MMP24: variants seen among roughly 807,000 people sequenced by gnomAD.
MMP24 encodes the protein matrix metallopeptidase 24.
Under a neutral mutation model 62.8 loss-of-function variants are expected in MMP24, and 25 were observed. The ratio of observed to expected loss-of-function variants is 0.40; its 90% CI spans 0.29 to 0.56. MMP24 has a LOEUF of 0.56. Among genes scored for constraint, MMP24 ranks in the 20% least tolerant of loss-of-function variants. The probability of loss-of-function intolerance (pLI) is 0.50; values close to 1 mark genes in which losing one functional copy is unlikely to be tolerated. For missense variants in MMP24, 634 were observed against 853.6 expected (o/e 0.74, Z 3.21); for synonymous variants, 319 against 350.5 (o/e 0.91, Z 1.00).
At chr20:35,228,115 T>C (rs1365418208) in intron 1 of MMP24, among the ~76,000 whole-genome samples, 1 of 152,152 alleles carries the variant, frequency 6.6e-6, no homozygotes, top group Non-Finnish European at 1.5e-5. Flanking sequence ...AGGCAGTCTG[T>C]TTGTTTAGAA....
At chr20:35,242,612 C>A (rs781514307) in intron 1 of MMP24, among the ~76,000 whole-genome samples, 3 of 152,084 alleles carry the variant, frequency 2.0e-5, no homozygotes, top group Non-Finnish European at 4.4e-5. Flanking sequence ...CAAGCTAAAG[C>A]CTAATAGAAA....
intron 2 of MMP24, among the ~76,000 whole-genome samples, chr20:35,247,527 C>T (rs1008725910): frequency 1.2e-4 from 18 of 152,132 alleles, no homozygotes; most frequent in Admixed American, 1.2e-3. Flanking sequence ...TTTGGGGAGA[C>T]ACTTAGGAGG....
Position 35,274,827 on chromosome 20 carries a change from C to G in MMP24, c.*218C>G. 3.4e-6 allele frequency: 2 copies of G among 584,958 alleles called. No homozygotes were observed. The highest frequency in any genetic ancestry group is 6.1e-6 in the Non-Finnish European group (2 of 329,992). 36.2% of individuals were successfully genotyped at this position (584,958 alleles called of 1,614,324 possible). On this transcript the variant is annotated 3_prime_UTR_variant, in exon 9 of 9. Transcript: ENST00000246186. This position sits in a 1 kb window ranked among gnomAD's most constrained non-coding sequence, Gnocchi z 5.1. ...GGGTGTCTGGCACCCAGCTGCCAGC[C>G]TTCTGTCCTGGGCAAACTACTCCCT...
At chr20:35,252,199 C>T (rs950370995) in intron 3 of MMP24, among the ~76,000 whole-genome samples, 178 bp downstream of exon 3, 1 of 152,168 alleles carries the variant, frequency 6.6e-6, no homozygotes, top group Non-Finnish European at 1.5e-5. Flanking sequence ...ACCTTGTCCT[C>T]CTTGTGGCTT....
At position 35,254,928 on chromosome 20, in the gene MMP24, C is replaced by T. The variant is rs547066199; in HGVS notation, c.817+174C>T. On this transcript the variant is annotated intron_variant, in intron 4 of 8. Coordinates refer to ENST00000246186, the MANE Select transcript of MMP24 (RefSeq NM_006690.4). Reference sequence around the variant, plus strand: ...ATATTCAACGTTCAATCCACCAGGGCCAGGGCCATGGAGATGAGTCAGATC... The same window carrying T: ...ATATTCAACGTTCAATCCACCAGGGTCAGGGCCATGGAGATGAGTCAGATC... 1.6e-4 allele frequency among the ~76,000 whole-genome samples: 24 copies of T among 152,238 alleles called. No homozygotes were observed. The South Asian group carries it at 4.8e-3, about 30-fold the overall frequency.
intron 1 of MMP24, among the ~76,000 whole-genome samples, chr20:35,235,841 G>C (rs549350177): frequency 6.6e-6 from 1 of 152,126 alleles, no homozygotes; most frequent in Non-Finnish European, 1.5e-5. Flanking sequence ...GAGGGCCTTG[G>C]ACAGGGTGAG....
intron 6 of MMP24, among the ~76,000 whole-genome samples, 180 bp downstream of exon 6, chr20:35,267,599 TC>T (rs1333493915): frequency 6.6e-6 from 1 of 152,122 alleles, no homozygotes; most frequent in African/African-American, 2.4e-5. Context: ...AATCAACTGT[TC>T]CCAAGAGGGA....
rs2060655238 is a variant in MMP24 at position 35,269,476 on chromosome 20, C to A, written c.1195-284C>A. Reference sequence around the variant, plus strand: ...ACTGCCCCCATGTGGCCACTCCAGGCCCCAACATCATCCTTTCCGGCTCCC... The same window carrying A: ...ACTGCCCCCATGTGGCCACTCCAGGACCCAACATCATCCTTTCCGGCTCCC... On this transcript the variant is annotated intron_variant, in intron 6 of 8. Coordinates refer to ENST00000246186, the MANE Select transcript of MMP24 (RefSeq NM_006690.4). This position sits in a 1 kb window ranked among gnomAD's most constrained non-coding sequence, Gnocchi z 4.6. Among the ~76,000 whole-genome samples the A allele has an allele frequency of 6.6e-6, 1 of 152,166 alleles. No homozygotes were observed. Among genetic ancestry groups the A allele is most frequent in the Non-Finnish European group, 1.5e-5 (1 of 68,036 alleles).
At chr20:35,253,381 T>C (rs187173394) in intron 3 of MMP24, among the ~76,000 whole-genome samples, 4 of 150,944 alleles carry the variant, frequency 2.6e-5, no homozygotes, top group Admixed American at 6.6e-5. Flanking sequence ...ATTTTTTTTT[T>C]CCAGAAATCT....
At chr20:35,267,852 G>A (rs2060644294) in intron 6 of MMP24, 1 of 194,140 alleles carries the variant, frequency 5.2e-6, no homozygotes, top group South Asian at 1.0e-4. Flanking sequence ...ACCCTACCAA[G>A]GCTTGAGGGG....
At chr20:35,259,549 G>A (rs2060592181) in intron 4 of MMP24, among the ~76,000 whole-genome samples, 1 of 152,190 alleles carries the variant, frequency 6.6e-6, no homozygotes, top group Admixed American at 6.5e-5. Context: ...AGTCATGGAA[G>A]GCTTCCTGGA....
chr20:35,275,741 G>A lies in MMP24; in HGVS notation c.*1132G>A, dbSNP rs1421625859. ...GGCCGACTCCAGCTACTCTGAGGCC[G>A]ACTCAATCTCTCGGCTGGAAGCAGT... On this transcript the variant is annotated 3_prime_UTR_variant, in exon 9 of 9. Transcript: ENST00000246186. 4.0e-5 allele frequency: 13 copies of A among 327,690 alleles called. No homozygotes were observed. Among genetic ancestry groups the A allele is most frequent in the Middle Eastern group, 1.6e-3 (2 of 1,268 alleles). 20.3% of individuals were successfully genotyped at this position (327,690 alleles called of 1,614,324 possible).
In MMP24 at chr20:35,274,430, G is replaced by A. The variant is rs2060691879; in HGVS notation, c.1759G>A (p.Val587Met). The A allele has an allele frequency of 5.0e-6, 8 of 1,613,868 alleles. No homozygotes were observed. Among genetic ancestry groups the A allele is most frequent in the African/African-American group, 1.3e-5 (1 of 74,930 alleles). Reference sequence around the variant, plus strand: ...GGAGCGGCGGCTGCCCCAGGACGACGTGGACATCATGGTGACCATCAACGA... The same window carrying A: ...GGAGCGGCGGCTGCCCCAGGACGACATGGACATCATGGTGACCATCAACGA... ...RKERRLPQDD[V>M]DIMVTINDVP... Residue 587 changes from valine (V) to methionine (M), a missense_variant, in exon 9 of 9, where the codon GTG becomes ATG. Around this residue, in one of 3 missense-constraint regions of MMP24, gnomAD observed 399 missense variants for 530.8 expected, o/e 0.75. Transcript: ENST00000246186. This position sits in a 1 kb window ranked among gnomAD's most constrained non-coding sequence, Gnocchi z 5.1.
intron 1 of MMP24, among the ~76,000 whole-genome samples, chr20:35,227,539 A>G (rs1355361133): frequency 6.6e-6 from 1 of 151,932 alleles, no homozygotes; most frequent in African/African-American, 2.4e-5. Context: ...TGGGCTCGAT[A>G]TAGGAAGAAG....
intron 1 of MMP24, among the ~76,000 whole-genome samples, chr20:35,228,404 C>T (rs1437264944): frequency 6.6e-6 from 1 of 152,200 alleles, no homozygotes; most frequent in African/African-American, 2.4e-5. Flanking sequence ...TGTGTTTTCA[C>T]ATGTGTTTTA....
chr20:35,244,129 T>G (rs1408719540), intron 1 of MMP24, among the ~76,000 whole-genome samples: 1 of 152,202 alleles, frequency 6.6e-6, no homozygotes, highest in Admixed American at 6.5e-5. Context: ...TCATTTGACT[T>G]ATAATAAAAG....
rs953213019 is a variant in MMP24 at position 35,269,434 on chromosome 20, G to A, written c.1195-326G>A. 6.6e-6 allele frequency among the ~76,000 whole-genome samples: 1 copy of A among 152,178 alleles called. No homozygotes were observed. The highest frequency in any genetic ancestry group is 2.4e-5 in the African/African-American group (1 of 41,448). Reference sequence around the variant, plus strand: ...CACTGTCCCGAGGACCAGTCTGGCTGATGTCAGTGACGCTCCACTGCCCCC... The same window carrying A: ...CACTGTCCCGAGGACCAGTCTGGCTAATGTCAGTGACGCTCCACTGCCCCC... On this transcript the variant is annotated intron_variant, in intron 6 of 8. Transcript: ENST00000246186. The surrounding 1 kb of genome is among the most constrained non-coding windows in gnomAD (Gnocchi z 4.6).
intron 3 of MMP24, among the ~76,000 whole-genome samples, chr20:35,252,880 G>T (rs1162877881): frequency 2.9e-5 from 4 of 138,284 alleles, no homozygotes; most frequent in African/African-American, 1.1e-4. Context: ...TGGGGCAAGG[G>T]CCAGGCATGG....
At chr20:35,260,062 C>T (rs1426568095) in intron 4 of MMP24, among the ~76,000 whole-genome samples, 1 of 152,206 alleles carries the variant, frequency 6.6e-6, no homozygotes, top group Non-Finnish European at 1.5e-5. Context: ...CCTGACCACT[C>T]TGCTTCCCTG....
Sources: gnomAD v4.1 joint callset for allele counts (sites outside exome capture counted in the v4.1 genomes callset) on GRCh38, gnomAD v4.1.1 for gene constraint, gnomAD v4.1.1 regional missense constraint, Gnocchi (gnomAD v3.1) non-coding constraint, MANE v1.5 for transcripts, NCBI Gene and HGNC (gene_info 2026-07-23, HGNC 2026-07-21) for gene names.